CD1B: variants seen among roughly 807,000 people sequenced by gnomAD.
CD1B encodes the protein CD1b molecule.
A neutral mutation model predicts 39.8 loss-of-function variants in CD1B; 43 were observed. The observed-to-expected ratio is 1.08, with a 90% CI of 0.85 to 1.39. The LOEUF (loss-of-function observed/expected upper bound fraction) is 1.39, where lower values mean the gene tolerates loss of function less well. Among genes scored for constraint, CD1B ranks in the 40% most tolerant of loss-of-function variants. The probability of loss-of-function intolerance (pLI) is 0.00; values close to 1 mark genes in which losing one functional copy is unlikely to be tolerated. For synonymous variants in CD1B, 192 were observed against 152.5 expected (o/e 1.26, Z -1.91); for missense variants, 495 against 403.8 (o/e 1.23, Z -1.94).
the CD1B span, among the ~76,000 whole-genome samples, chr1:158,311,113 T>A: frequency 6.6e-6 from 1 of 152,218 alleles, no homozygotes; most frequent in East Asian, 1.9e-4. Flanking sequence ...GGGTATGTAG[T>A]ATATTTTTAG....
At chr1:158,287,020 A>G in the CD1B span, among the ~76,000 whole-genome samples, 5,087 of 152,236 alleles carry the variant, frequency 0.033, 274 homozygotes, top group African/African-American at 0.11. Context: ...TGGCTCTCAC[A>G]GGAACAGCTG....
chr1:158,291,016 C>G, the CD1B span: 1 of 1,077,416 alleles, frequency 9.3e-7, no homozygotes, highest in Non-Finnish European at 1.3e-6. Flanking sequence ...AATGGTATAG[C>G]TAAAGTAGTC....
the CD1B span, among the ~76,000 whole-genome samples, chr1:158,300,835 T>A: frequency 6.7e-6 from 1 of 149,388 alleles, no homozygotes; most frequent in Non-Finnish European, 1.5e-5. Context: ...CTCAGCTCAC[T>A]GCAAGCTCTT....
the CD1B span, among the ~76,000 whole-genome samples, chr1:158,311,448 C>T: frequency 1.3e-5 from 2 of 152,122 alleles, no homozygotes; most frequent in African/African-American, 2.4e-5. Context: ...ACGTAGTTTG[C>T]AGATATTTTC....
chr1:158,290,206 A>T, the CD1B span: 1 of 1,249,678 alleles, frequency 8.0e-7, no homozygotes, highest in South Asian at 1.3e-5. Context: ...ATCAATAGAG[A>T]TGCCAGAATG....
In CD1B at chr1:158,329,888, C is replaced by G. The variant is rs186845827; in HGVS notation, c.571G>C (p.Val191Leu). ...YETCPRYLLG[V>L]LNAGKADLQR... Reference sequence around the variant, plus strand: ...AGATCTGCTTTTCCTGCATTGAGGACGCCCAAGAGATATCGGGGGCAGGTT... The same window carrying G: ...AGATCTGCTTTTCCTGCATTGAGGAGGCCCAAGAGATATCGGGGGCAGGTT... Residue 191 changes from valine to leucine, a missense_variant, in exon 3 of 6, where the codon GTC becomes CTC. Val to Leu is a conservative substitution (Grantham distance 32, BLOSUM62 1). Coordinates refer to ENST00000368168, the MANE Select transcript of CD1B (RefSeq NM_001764.3). The G allele has an allele frequency of 1.2e-6, 2 of 1,613,836 alleles. No individual in the cohort carries two copies. The highest frequency in any genetic ancestry group is 1.7e-6 in the Non-Finnish European group (2 of 1,179,958).
At chr1:158,314,954 A>G in the CD1B span, among the ~76,000 whole-genome samples, 1 of 147,822 alleles carries the variant, frequency 6.8e-6, no homozygotes, top group African/African-American at 2.5e-5. Context: ...ATGATTTCCA[A>G]TTTCATCCAT....
At chr1:158,309,707 C>A in the CD1B span, among the ~76,000 whole-genome samples, 2 of 151,944 alleles carry the variant, frequency 1.3e-5, no homozygotes, top group Non-Finnish European at 2.9e-5. Flanking sequence ...TGGAAACCAC[C>A]TTTCTCAGCA....
rs1217352819 is a variant in CD1B, at chr1:158,330,959, A to G, written c.165T>C (p.Ile55=). ...QGSGWLDDLQ[I]HGWDSDSGTA... is the part of the protein sequence containing the mutation. ...TGCCTGAGTCGCTATCCCAGCCATG[A>G]ATCTGCAAATCATCCAACCAGCCTG... is the stretch of plus-strand genomic sequence containing the variant. Residue 55 remains isoleucine (I), a synonymous_variant, in exon 2 of 6, where the codon ATT becomes ATC. Transcript: ENST00000368168. 2 of 1,614,174 alleles carry G rather than the reference A, an allele frequency of 1.2e-6. No individual in the cohort carries two copies. Among genetic ancestry groups the G allele is most frequent in the Admixed American group, 1.7e-5 (1 of 60,012 alleles).
At chr1:158,293,331 C>T in the CD1B span, 1 of 1,597,508 alleles carries the variant, frequency 6.3e-7, no homozygotes, top group South Asian at 1.1e-5. Context: ...CTCCTCTCCT[C>T]CCAGTTTCTT....
At chr1:158,300,343 A>C in the CD1B span, among the ~76,000 whole-genome samples, 3 of 152,118 alleles carry the variant, frequency 2.0e-5, no homozygotes, top group Non-Finnish European at 4.4e-5. Context: ...GGTCCGAGAG[A>C]CAGTTTGTTG....
chr1:158,287,283 G>GCACACACACACACACA, the CD1B span, among the ~76,000 whole-genome samples: 7 of 149,080 alleles, frequency 4.7e-5, no homozygotes, highest in African/African-American at 1.7e-4. Context: ...CATGGTGGGT[G>GCACACACACACACACA]CACACACACA....
At chr1:158,315,682 T>C in the CD1B span, among the ~76,000 whole-genome samples, 1 of 151,930 alleles carries the variant, frequency 6.6e-6, no homozygotes, top group East Asian at 1.9e-4. Context: ...TTTGTCAATT[T>C]TGGCTTTTGT....
the CD1B span, among the ~76,000 whole-genome samples, chr1:158,318,512 CT>C: frequency 1.3e-5 from 2 of 151,990 alleles, no homozygotes; most frequent in African/African-American, 4.8e-5. Flanking sequence ...TTTCCATTTG[CT>C]TGGTAGATCT....
At chr1:158,323,558 A>G (rs148866502), downstream of CD1B, among the ~76,000 whole-genome samples, 1,556 of 152,228 alleles carry the variant, frequency 0.01, 15 homozygotes, top group Non-Finnish European at 0.014. Context: ...GTGTATGTAC[A>G]TTGATGTATT....
chr1:158,308,868 C>T, the CD1B span, among the ~76,000 whole-genome samples: 31 of 152,064 alleles, frequency 2.0e-4, no homozygotes, highest in Admixed American at 2.6e-4. Context: ...GACCTGAAAC[C>T]GTAAAAACCC....
chr1:158,298,432 A>G, the CD1B span, among the ~76,000 whole-genome samples: 2 of 152,120 alleles, frequency 1.3e-5, no homozygotes, highest in African/African-American at 4.8e-5. Context: ...CCCAAAACCA[A>G]AAGAATATAC....
chr1:158,294,919 C>T, the CD1B span, among the ~76,000 whole-genome samples: 1 of 151,984 alleles, frequency 6.6e-6, no homozygotes, highest in African/African-American at 2.4e-5. Flanking sequence ...CTTCCCAGAT[C>T]TGGCAGGGCC....
rs761389884 is a variant in CD1B at position 158,329,539 on chromosome 1, C to T, written c.717G>A (p.Met239Ile). 1 of 1,614,132 alleles carries T rather than the reference C, an allele frequency of 6.2e-7. No individual in the cohort carries two copies. Among genetic ancestry groups the T allele is most frequent in the Non-Finnish European group, 8.5e-7 (1 of 1,180,028 alleles). The change falls in exon 4 of 6, where the codon ATG becomes ATA. Residue 239 changes from methionine (M) to isoleucine (I), a missense_variant. Met to Ile is a conservative substitution (Grantham distance 10). Coordinates refer to ENST00000368168, the MANE Select transcript of CD1B (RefSeq NM_001764.3). The part of the protein sequence containing the change: ...FYPKPVWVMW[M>I]RGEQEQQGTQ... ...TGCCCTGCTGCTCCTGCTCACCCCG[C>T]ATCCACATCACCCACACGGGCTTTG...
Sources: gnomAD v4.1 joint callset for allele counts (sites outside exome capture counted in the v4.1 genomes callset) on GRCh38, gnomAD v4.1.1 for gene constraint, MANE v1.5 for transcripts, NCBI Gene and HGNC (gene_info 2026-07-23, HGNC 2026-07-21) for gene names.